Variants in PLCE1 observed in about 807,000 individuals in gnomAD.
The protein encoded by PLCE1 is phospholipase C epsilon 1.
A neutral mutation model predicts 242.8 loss-of-function variants in PLCE1; 119 were observed. The observed-to-expected ratio is 0.49, with a 90% confidence interval of 0.42 to 0.57. PLCE1 has a LOEUF of 0.57. Ranked by LOEUF, PLCE1 falls within the 20% of genes least tolerant of loss-of-function variation. PLCE1 has a pLI of 0.00. For synonymous variants in PLCE1, 945 were observed against 1,017.4 expected, an observed-to-expected ratio of 0.93 and a Z score of 1.35; for missense variants, 2,441 against 2,788.8, an observed-to-expected ratio of 0.88 and a Z score of 2.81.
At chr10:94,242,645 G>A (rs910035490) in intron 7 of PLCE1, among the ~76,000 whole-genome samples, 4 of 152,076 alleles carry the variant, frequency 2.6e-5, no homozygotes, top group Non-Finnish European at 5.9e-5. Flanking sequence ...CTTCAGTAAA[G>A]GGAGGCAAGG....
chr10:94,087,269 G>A (rs1373217862), intron 2 of PLCE1, among the ~76,000 whole-genome samples: 1 of 146,728 alleles, frequency 6.8e-6, no homozygotes, highest in East Asian at 2.1e-4. Context: ...AAAATCACTT[G>A]AGCCTGGGAG....
At chr10:94,284,142 A>T (rs2052352027) in intron 21 of PLCE1, among the ~76,000 whole-genome samples, 1 of 152,224 alleles carries the variant, frequency 6.6e-6, no homozygotes, top group Admixed American at 6.5e-5. Context: ...TGTGGCAGGT[A>T]CTGAAGTGGC....
At chr10:94,305,955 A>G (rs2053185871) in intron 25 of PLCE1, among the ~76,000 whole-genome samples, 1 of 151,690 alleles carries the variant, frequency 6.6e-6, no homozygotes, top group Admixed American at 6.6e-5. Context: ...CAGTCGTGTG[A>G]TTACCCAGTT....
intron 4 of PLCE1, among the ~76,000 whole-genome samples, chr10:94,218,374 G>A (rs60479761): frequency 0.06 from 9,160 of 152,094 alleles, 292 homozygotes; most frequent in African/African-American, 0.082. Flanking sequence ...AGTGAATTCC[G>A]TATGATTTCC....
chr10:94,193,375 T>A (rs1321122656), intron 4 of PLCE1, among the ~76,000 whole-genome samples: 1 of 152,178 alleles, frequency 6.6e-6, no homozygotes, highest in East Asian at 1.9e-4. Flanking sequence ...AAAGCCACCA[T>A]CCTCAGACCA....
intron 2 of PLCE1, among the ~76,000 whole-genome samples, chr10:94,093,871 G>A (rs2045178587): frequency 6.6e-6 from 1 of 150,852 alleles, no homozygotes. Flanking sequence ...AGGGTCAAAA[G>A]CTAGCAGTAA....
At chr10:94,266,291 C>T (rs996503053) in intron 16 of PLCE1, among the ~76,000 whole-genome samples, 4 of 152,154 alleles carry the variant, frequency 2.6e-5, no homozygotes, top group South Asian at 2.1e-4. Context: ...ATTATCTAAT[C>T]GTCTCTCTAA....
chr10:94,019,633 A>T (rs2061342247), intron 1 of PLCE1, among the ~76,000 whole-genome samples: 1 of 152,214 alleles, frequency 6.6e-6, no homozygotes, highest in Non-Finnish European at 1.5e-5. Context: ...TGACTCTTGG[A>T]ACACTTGAAT....
intron 27 of PLCE1, 126 bp from the exon 28 acceptor site, chr10:94,313,128 T>C (rs951072131): frequency 9.2e-7 from 1 of 1,085,008 alleles, no homozygotes; most frequent in Non-Finnish European, 1.4e-6. Flanking sequence ...AGGCTACAAA[T>C]GGACTCTCAT....
chr10:94,282,405 T>C (rs929898471), intron 20 of PLCE1, among the ~76,000 whole-genome samples: 4 of 152,116 alleles, frequency 2.6e-5, no homozygotes, highest in African/African-American at 9.7e-5. Flanking sequence ...GTTTTGAACA[T>C]ACACTGCAGA....
rs1002241630 is a variant in PLCE1, at chr10:94,328,875, A to G, written c.*932A>G. On this transcript the variant is annotated 3_prime_UTR_variant, in exon 33 of 33. Transcript: ENST00000371380. The stretch of plus-strand genomic sequence containing the variant: ...AGATTACTCATTTTTGGTTTTCAAA[A>G]TGAATTTAGAATGACGTATAATTTA... The G allele has an allele frequency of 3.9e-5, 6 of 152,218 alleles. No individual in the cohort carries two copies. The highest frequency in any genetic ancestry group is 1.4e-4 in the African/African-American group (6 of 41,446). The allele number at this position is 152,218 out of a possible 1,614,324, so 9.4% of individuals were successfully genotyped here. A position where few individuals can be genotyped will look rare whatever the true frequency, so the allele number is the denominator to read the frequency against.
intron 4 of PLCE1, among the ~76,000 whole-genome samples, chr10:94,204,672 A>G (rs1301617250): frequency 6.6e-6 from 1 of 151,558 alleles, no homozygotes; most frequent in African/African-American, 2.4e-5. Flanking sequence ...GTCCCGAAAG[A>G]AAGAAAGAAA....
intron 1 of PLCE1, among the ~76,000 whole-genome samples, chr10:93,995,078 G>A (rs1181056876): frequency 6.6e-6 from 1 of 152,156 alleles, no homozygotes. Flanking sequence ...GGGCAGGGCC[G>A]CTGCCACAGA....
chr10:94,294,962 C>T (rs2052760587), intron 23 of PLCE1, among the ~76,000 whole-genome samples: 1 of 137,932 alleles, frequency 7.2e-6, no homozygotes, highest in African/African-American at 2.8e-5. Context: ...GTCACCCAGG[C>T]TGGAGTGCGG....
At chr10:94,076,136 T>C (rs113709942) in intron 2 of PLCE1, among the ~76,000 whole-genome samples, 9 of 148,988 alleles carry the variant, frequency 6.0e-5, no homozygotes, top group Middle Eastern at 3.4e-3. Flanking sequence ...TGCGTGCGTG[T>C]GTGTGTGTGT....
chr10:94,263,245 G>A (rs2051376926), intron 14 of PLCE1, among the ~76,000 whole-genome samples: 1 of 152,068 alleles, frequency 6.6e-6, no homozygotes, highest in Non-Finnish European at 1.5e-5. Context: ...TGGGTGTGGT[G>A]GTTCATGCCT....
intron 3 of PLCE1, among the ~76,000 whole-genome samples, chr10:94,144,299 G>C (rs1053073447): frequency 6.6e-6 from 1 of 151,864 alleles, no homozygotes; most frequent in Non-Finnish European, 1.5e-5. Context: ...ACTTATACCA[G>C]TGTGTGTGTG....
In PLCE1 at chr10:94,138,049, C is replaced by T. The variant is rs979073809; in HGVS notation, c.1492+5590C>T. On this transcript the variant is annotated intron_variant, in intron 3 of 32. Coordinates refer to ENST00000371380, the MANE Select transcript of PLCE1 (RefSeq NM_016341.4). Reference sequence around the variant, plus strand: ...GTGAGGACTGTCCAGTATTTCATGGCCTCTTTGAGTTTCGTCAGTTGTCTG... The same window carrying T: ...GTGAGGACTGTCCAGTATTTCATGGTCTCTTTGAGTTTCGTCAGTTGTCTG... 4.0e-5 allele frequency: 15 copies of T among 371,332 alleles called. No individual in the cohort carries two copies. The Admixed American group carries it at 4.4e-4, about 11-fold the overall frequency. 23.0% of individuals were successfully genotyped at this position (371,332 alleles called of 1,614,324 possible).
At chr10:94,233,609 G>A (rs1416839761) in intron 5 of PLCE1, among the ~76,000 whole-genome samples, 1 of 152,148 alleles carries the variant, frequency 6.6e-6, no homozygotes, top group Non-Finnish European at 1.5e-5. Flanking sequence ...CATATTATCT[G>A]GGGAAGTAGG....
Sources: gnomAD v4.1 joint callset for allele counts (sites outside exome capture counted in the v4.1 genomes callset) on GRCh38, gnomAD v4.1.1 for gene constraint, MANE v1.5 for transcripts, NCBI Gene and HGNC (gene_info 2026-07-23, HGNC 2026-07-21) for gene names.